The following TRAT1 variants were observed in gnomAD, a reference collection of about 807,000 sequenced individuals.
The protein encoded by TRAT1 is T-cell receptor-associated transmembrane adapter 1.
TRAT1 carries 20 observed loss-of-function variants against 20.0 expected under a neutral mutation model. That is an observed-to-expected ratio of 1.00 (90% CI 0.70 to 1.45). The LOEUF is 1.45. Among genes scored for constraint, TRAT1 ranks in the 40% most tolerant of loss-of-function variants. TRAT1 has a pLI of 0.00. For synonymous variants in TRAT1, 77 were observed against 74.2 expected (o/e 1.04, Z -0.20); for missense variants, 237 against 224.1 (o/e 1.06, Z -0.37).
intron 3 of TRAT1, among the ~76,000 whole-genome samples, chr3:108,844,978 G>C (rs1441910795): frequency 6.6e-6 from 1 of 151,698 alleles, no homozygotes; most frequent in Non-Finnish European, 1.5e-5. Context: ...TTACTGGTTA[G>C]AGAATTATTT....
intron 1 of TRAT1, among the ~76,000 whole-genome samples, chr3:108,830,049 G>A (rs977417446): frequency 2.1e-4 from 32 of 152,134 alleles, no homozygotes; most frequent in African/African-American, 7.7e-4. Context: ...CAAGATGTGG[G>A]GGTGGAAGAT....
chr3:108,851,809 A>G (rs1946000613), intron 5 of TRAT1, among the ~76,000 whole-genome samples: 1 of 152,152 alleles, frequency 6.6e-6, no homozygotes, highest in South Asian at 2.1e-4. Context: ...GTGACTATTA[A>G]ACATACAATT....
intron 2 of TRAT1, among the ~76,000 whole-genome samples, chr3:108,831,216 C>T (rs866667848): frequency 3.9e-5 from 6 of 152,146 alleles, no homozygotes; most frequent in Admixed American, 2.0e-4. Flanking sequence ...CACAAAAGAG[C>T]GGGGTCAGAA....
At chr3:108,841,077 T>C (rs1233130637) in intron 3 of TRAT1, among the ~76,000 whole-genome samples, 2 of 152,148 alleles carry the variant, frequency 1.3e-5, no homozygotes, top group African/African-American at 4.8e-5. Context: ...TCCCTGAAGG[T>C]TGCATTTCCA....
At chr3:108,827,997 TTTCAA>T (rs1406735178) in intron 1 of TRAT1, among the ~76,000 whole-genome samples, 2 of 152,200 alleles carry the variant, frequency 1.3e-5, no homozygotes, top group Non-Finnish European at 2.9e-5. Context: ...AACACAACTA[TTTCAA>T]TTCTCTCTTT....
chr3:108,825,440 C>T (rs890461491), intron 1 of TRAT1, among the ~76,000 whole-genome samples: 2 of 151,976 alleles, frequency 1.3e-5, no homozygotes, highest in African/African-American at 2.4e-5. Flanking sequence ...AAAAAGGAGT[C>T]TCATTGTCTT....
Position 108,853,885 on chromosome 3 carries a change from A to G in TRAT1, c.*8A>G. 13 of 1,612,676 alleles carry G rather than the reference A, an allele frequency of 8.1e-6. No individual in the cohort carries two copies. Among genetic ancestry groups the G allele is most frequent in the Non-Finnish European group, 1.1e-5 (13 of 1,178,942 alleles). On this transcript the variant is annotated 3_prime_UTR_variant, in exon 6 of 6. Coordinates refer to ENST00000295756, the MANE Select transcript of TRAT1 (RefSeq NM_016388.4). ...AGAGAACCTATAAACTAGCTGGACCATGATCTAGTTCAATGATTTGGCTCC... is the reference window on the plus strand; with the variant it reads ...AGAGAACCTATAAACTAGCTGGACCGTGATCTAGTTCAATGATTTGGCTCC...
chr3:108,835,094 G>GTAGGAAAT (rs1945826886), intron 2 of TRAT1, among the ~76,000 whole-genome samples: 1 of 152,210 alleles, frequency 6.6e-6, no homozygotes, highest in Non-Finnish European at 1.5e-5. Flanking sequence ...AGTCCTATCA[G>GTAGGAAAT]TAGGAAATTA....
Position 108,853,881 on chromosome 3 carries a change from G to C in TRAT1, c.*4G>C, listed in dbSNP as rs532522365. 65 of 1,612,878 alleles carry C rather than the reference G, an allele frequency of 4.0e-5. No individual in the cohort carries two copies. In the South Asian group the frequency reaches 4.7e-4, roughly 12 times the overall value. On this transcript the variant is annotated 3_prime_UTR_variant, in exon 6 of 6. Transcript: ENST00000295756. ...TAAGAGAGAACCTATAAACTAGCTG[G>C]ACCATGATCTAGTTCAATGATTTGG... is the stretch of plus-strand genomic sequence containing the variant.
Position 108,826,991 on chromosome 3 carries a change from G to A in TRAT1, c.8-3679G>A, listed in dbSNP as rs529830319. ...AGACAGTGCCTGCCAATTACTGTTG[G>A]CTTTAAGGGAGTCAGAGGTTTTATA... On this transcript the variant is annotated intron_variant, in intron 1 of 5. Coordinates refer to ENST00000295756, the MANE Select transcript of TRAT1 (RefSeq NM_016388.4). Among the ~76,000 whole-genome samples the A allele has an allele frequency of 9.7e-4, 148 of 152,256 alleles. 1 individual carries two copies. The highest frequency in any genetic ancestry group is 3.4e-3 in the African/African-American group (143 of 41,566).
chr3:108,833,590 C>T (rs1945814052), intron 2 of TRAT1, among the ~76,000 whole-genome samples: 1 of 152,002 alleles, frequency 6.6e-6, no homozygotes, highest in African/African-American at 2.4e-5. Context: ...CAATAAATTG[C>T]ATTTATTGAT....
chr3:108,825,228 C>T (rs1327908284), intron 1 of TRAT1, among the ~76,000 whole-genome samples: 1 of 152,000 alleles, frequency 6.6e-6, no homozygotes, highest in African/African-American at 2.4e-5. Flanking sequence ...AAAACAAAAA[C>T]CCAAGTATTT....
In TRAT1 at chr3:108,830,545, T is replaced by C; in HGVS notation, c.8-125T>C. ...GAAAAAAGTTATGAATATTAATTAG[T>C]TTCCCGGTAGAGACTGTGTACTTCA... On this transcript the variant is annotated intron_variant, in intron 1 of 5. Coordinates refer to ENST00000295756, the MANE Select transcript of TRAT1 (RefSeq NM_016388.4). 5 of 621,664 alleles carry C rather than the reference T, an allele frequency of 8.0e-6. No homozygotes were observed. The South Asian group carries it at 1.3e-4, about 16-fold the overall frequency. The allele number at this position is 621,664 out of a possible 1,614,324, so 38.5% of individuals were successfully genotyped here.
intron 2 of TRAT1, among the ~76,000 whole-genome samples, chr3:108,835,913 ATTTATTT>A (rs1336401258): frequency 6.7e-6 from 1 of 148,660 alleles, no homozygotes; most frequent in Non-Finnish European, 1.5e-5. Context: ...TTATTTATTT[ATTTATTT>A]ATTTATTTAT....
chr3:108,846,215 T>A (rs1945940242), intron 3 of TRAT1, among the ~76,000 whole-genome samples: 1 of 152,230 alleles, frequency 6.6e-6, no homozygotes, highest in Non-Finnish European at 1.5e-5. Context: ...TTAACCTCTA[T>A]GAGCTGCAAA....
In TRAT1 at chr3:108,854,503, A is replaced by G. The variant is rs1239639251; in HGVS notation, c.*626A>G. On this transcript the variant is annotated 3_prime_UTR_variant, in exon 6 of 6. Coordinates refer to ENST00000295756, the MANE Select transcript of TRAT1 (RefSeq NM_016388.4). The stretch of plus-strand genomic sequence containing the variant: ...ATATCAAAAAGAGTTTAGGAATTCT[A>G]CTAGCCAGAGATAGTCACTTGGAGA... 6.7e-6 allele frequency: 1 copy of G among 148,996 alleles called. No homozygotes were observed. The highest frequency in any genetic ancestry group is 1.5e-5 in the Non-Finnish European group (1 of 68,008). 9.2% of individuals were successfully genotyped at this position (148,996 alleles called of 1,614,324 possible).
In TRAT1 at chr3:108,849,149, T is replaced by A. The variant is rs941903688; in HGVS notation, c.215-17T>A. The A allele has an allele frequency of 6.2e-7, 1 of 1,600,122 alleles. No individual in the cohort carries two copies. Among genetic ancestry groups the A allele is most frequent in the Non-Finnish European group, 8.5e-7 (1 of 1,170,394 alleles). On this transcript the variant is annotated splice_polypyrimidine_tract_variant and intron_variant, in intron 4 of 5. Transcript: ENST00000295756. ...TTAAATTTTCTATTGTGAATCACAATCTTTTTAATTCCCAAGAACCAATGG... is the reference window on the plus strand; with the variant it reads ...TTAAATTTTCTATTGTGAATCACAAACTTTTTAATTCCCAAGAACCAATGG...
In TRAT1 at chr3:108,822,836, G is replaced by A; in HGVS notation, c.-92G>A. 1 of 1,068,664 alleles carries A rather than the reference G, an allele frequency of 9.4e-7. No individual in the cohort carries two copies. The highest frequency in any genetic ancestry group is 1.4e-6 in the Non-Finnish European group (1 of 694,870). The allele number at this position is 1,068,664 out of a possible 1,614,324, so 66.2% of individuals were successfully genotyped here. On this transcript the variant is annotated 5_prime_UTR_variant, in exon 1 of 6. Transcript: ENST00000295756. ...GTCATGCTGCTTTTAACATAACAGAGCAACATCACCTAGGAAAAAAGTTTG... is the reference window on the plus strand; with the variant it reads ...GTCATGCTGCTTTTAACATAACAGAACAACATCACCTAGGAAAAAAGTTTG...
chr3:108,848,488 G>A (rs554819214), intron 4 of TRAT1, among the ~76,000 whole-genome samples: 21 of 152,234 alleles, frequency 1.4e-4, no homozygotes, highest in African/African-American at 4.8e-4. Context: ...GGACATATCT[G>A]GGGGAAGAAA....
Sources: gnomAD v4.1 joint callset for allele counts (sites outside exome capture counted in the v4.1 genomes callset) on GRCh38, gnomAD v4.1.1 for gene constraint, MANE v1.5 for transcripts, NCBI Gene and HGNC (gene_info 2026-07-23, HGNC 2026-07-21) for gene names.